GLIPR1L2: variants seen among roughly 807,000 people sequenced by gnomAD.
GLIPR1L2 encodes GLIPR1 like 2.
GLIPR1L2 carries 21 observed loss-of-function variants against 28.4 expected under a neutral mutation model. The ratio of observed to expected loss-of-function variants is 0.74; its 90% CI spans 0.52 to 1.06. The LOEUF (loss-of-function observed/expected upper bound fraction) is 1.06. Ranked by LOEUF, GLIPR1L2 falls within the 50% of genes least tolerant of loss-of-function variation. The probability of loss-of-function intolerance (pLI) is 0.00; values close to 1 mark genes in which losing one functional copy is unlikely to be tolerated. For missense variants in GLIPR1L2, 476 were observed against 416.9 expected, an observed-to-expected ratio of 1.14 and a Z score of -1.23; for synonymous variants, 145 against 139.3, an observed-to-expected ratio of 1.04 and a Z score of -0.29.
At chr12:75,417,784 ATATTACAT>A in intron 3 of GLIPR1L2, among the ~76,000 whole-genome samples, 1 of 130,152 alleles carries the variant, frequency 7.7e-6, no homozygotes, top group Admixed American at 7.5e-5. Context: ...AACTGAAACT[ATATTACAT>A]ATAATTATTT....
intron 4 of GLIPR1L2, among the ~76,000 whole-genome samples, chr12:75,429,512 T>C (rs1222105871): frequency 6.6e-6 from 1 of 152,206 alleles, no homozygotes; most frequent in African/African-American, 2.4e-5. Flanking sequence ...CTTGGACTTT[T>C]GGGTGAATGC....
intron 1 of GLIPR1L2, among the ~76,000 whole-genome samples, chr12:75,409,611 CTTA>C (rs1047577645): frequency 6.9e-6 from 1 of 145,698 alleles, no homozygotes; most frequent in African/African-American, 2.5e-5. Context: ...TCTGTCTTCT[CTTA>C]TTCTCTAATC....
rs142881216 is a variant in GLIPR1L2 at position 75,391,147 on chromosome 12, T to C, written c.31T>C (p.Trp11Arg). The C allele has an allele frequency of 2.0e-4, 323 of 1,613,722 alleles. 1 individual carries two copies. The African/African-American group carries it at 3.6e-3, about 18-fold the overall frequency. The change falls in exon 1 of 6, where the codon TGG becomes CGG. Residue 11 changes from tryptophan (W) to arginine (R), a missense_variant. Trp to Arg is a moderately radical substitution (Grantham distance 101, BLOSUM62 -3). Coordinates refer to ENST00000550916, the MANE Select transcript of GLIPR1L2 (RefSeq NM_001270396.2). ...GGCCGCAAGGCCCTTCGCCCGGGAG[T>C]GGAGGGCCCAGTCCCTACCCCTGGC... The part of the protein sequence containing the change: MEAARPFARE[W>R]RAQSLPLAVG...
chr12:75,414,491 G>A (rs1457833742), intron 3 of GLIPR1L2, among the ~76,000 whole-genome samples: 1 of 152,046 alleles, frequency 6.6e-6, no homozygotes, highest in Non-Finnish European at 1.5e-5. Context: ...TTAAAAAGCA[G>A]TGATTACTGA....
chr12:75,410,567 G>A lies in GLIPR1L2; in HGVS notation c.368G>A (p.Gly123Asp). 6.2e-7 allele frequency: 1 copy of A among 1,612,238 alleles called. No homozygotes were observed. The highest frequency in any genetic ancestry group is 1.1e-5 in the South Asian group (1 of 91,016). Reference sequence around the variant, plus strand: ...GGTATTGGTGAAAATATGTGGGTCGGCCCTGAAAATGAATTTACTGCAAGT... The same window carrying A: ...GGTATTGGTGAAAATATGTGGGTCGACCCTGAAAATGAATTTACTGCAAGT... ...FYGIGENMWVGPENEFTASIA... is the reference protein window; with the variant it reads ...FYGIGENMWVDPENEFTASIA... The change falls in exon 2 of 6, where the codon GGC (glycine) becomes GAC (aspartate). Residue 123 changes from glycine to aspartate, a missense_variant. By Grantham distance (94) the Gly-to-Asp change is moderately conservative (BLOSUM62 -1). Coordinates refer to ENST00000550916, the MANE Select transcript of GLIPR1L2 (RefSeq NM_001270396.2).
At chr12:75,402,421 C>G (rs2045752015) in intron 1 of GLIPR1L2, among the ~76,000 whole-genome samples, 2 of 152,012 alleles carry the variant, frequency 1.3e-5, no homozygotes, top group Admixed American at 6.6e-5. Context: ...AATAACAAAT[C>G]TCCAAATGTG....
chr12:75,402,896 T>C (rs1456889128), intron 1 of GLIPR1L2: 3 of 426,054 alleles, frequency 7.0e-6, no homozygotes, highest in Non-Finnish European at 1.4e-5. Flanking sequence ...ATCCTTGCTG[T>C]ATTTGGAATT....
At chr12:75,398,029 TA>T (rs71078728) in intron 1 of GLIPR1L2, among the ~76,000 whole-genome samples, 2,086 of 138,178 alleles carry the variant, frequency 0.015, 22 homozygotes, top group African/African-American at 0.034. Context: ...GCTGTGGATT[TA>T]AAAAAAAAAA....
chr12:75,417,786 A>AT (rs11378687), intron 3 of GLIPR1L2, among the ~76,000 whole-genome samples: 52,810 of 151,796 alleles, frequency 0.35, 9,532 homozygotes, highest in East Asian at 0.46. Context: ...CTGAAACTAT[A>AT]TTACATATAA....
At chr12:75,403,197 G>A (rs2045761352) in intron 1 of GLIPR1L2, 3 of 448,234 alleles carry the variant, frequency 6.7e-6, no homozygotes, top group East Asian at 7.0e-5. Context: ...GTTGAAGGAT[G>A]GTGAGGATAG....
At chr12:75,421,364 G>A (rs2045974485) in intron 3 of GLIPR1L2, among the ~76,000 whole-genome samples, 1 of 152,182 alleles carries the variant, frequency 6.6e-6, no homozygotes, top group Admixed American at 6.5e-5. Context: ...CAATTCAAGG[G>A]TATCAGATGC....
chr12:75,400,026 G>A (rs182561075), intron 1 of GLIPR1L2, among the ~76,000 whole-genome samples: 2 of 152,314 alleles, frequency 1.3e-5, no homozygotes, highest in East Asian at 3.9e-4. Context: ...CTAATCTCCA[G>A]CACTGAGGGT....
chr12:75,407,652 T>G (rs1044653181), intron 1 of GLIPR1L2, among the ~76,000 whole-genome samples: 1 of 152,150 alleles, frequency 6.6e-6, no homozygotes, highest in African/African-American at 2.4e-5. Flanking sequence ...CAATTTACAA[T>G]TTTTAAATTG....
At chr12:75,399,216 G>C (rs986912971) in intron 1 of GLIPR1L2, among the ~76,000 whole-genome samples, 1 of 152,106 alleles carries the variant, frequency 6.6e-6, no homozygotes, top group Non-Finnish European at 1.5e-5. Context: ...TACAGTATTA[G>C]TATGTTAAAA....
At position 75,431,204 on chromosome 12, in the gene GLIPR1L2, A is replaced by G. The variant is rs1183135605; in HGVS notation, c.*43A>G. On this transcript the variant is annotated 3_prime_UTR_variant, in exon 6 of 6. Transcript: ENST00000550916. The stretch of plus-strand genomic sequence containing the variant: ...AAAAGATGTATCACCAATATAAACC[A>G]AAAGTGTAATACAAAAAAAGACAGA... 9 of 613,032 alleles carry G rather than the reference A, an allele frequency of 1.5e-5. No individual in the cohort carries two copies. Among genetic ancestry groups the G allele is most frequent in the African/African-American group, 7.5e-5 (4 of 53,590 alleles). 38.0% of individuals were successfully genotyped at this position (613,032 alleles called of 1,614,324 possible).
At position 75,391,167 on chromosome 12, in the gene GLIPR1L2, C is replaced by A. The variant is rs1213822233; in HGVS notation, c.51C>A (p.Pro17=). The part of the protein sequence containing the change: ...FAREWRAQSL[P]LAVGGVLKLR... ...GGGAGTGGAGGGCCCAGTCCCTACC[C>A]CTGGCAGTAGGGGGCGTTTTGAAGC... The change falls in exon 1 of 6, where the codon CCC becomes CCA. Residue 17 remains proline (P), a synonymous_variant. Transcript: ENST00000550916. 2.5e-6 allele frequency: 4 copies of A among 1,614,166 alleles called. No individual in the cohort carries two copies. Among genetic ancestry groups the A allele is most frequent in the Non-Finnish European group, 3.4e-6 (4 of 1,180,006 alleles).
chr12:75,397,314 A>T (rs1214499987), intron 1 of GLIPR1L2, among the ~76,000 whole-genome samples: 4 of 151,166 alleles, frequency 2.6e-5, no homozygotes, highest in African/African-American at 9.7e-5. Flanking sequence ...TATGATTTCT[A>T]TTTTTACACT....
rs1214612277 is a variant in GLIPR1L2, at chr12:75,430,827, A to C, written c.701A>C (p.Tyr234Ser). 1 of 1,533,222 alleles carries C rather than the reference A, an allele frequency of 6.5e-7. No individual in the cohort carries two copies. The highest frequency in any genetic ancestry group is 1.2e-5 in the South Asian group (1 of 83,728). The allele number at this position is 1,533,222 out of a possible 1,614,324, so 95.0% of individuals were successfully genotyped here. A position where few individuals can be genotyped will look rare whatever the true frequency, so the allele number is the denominator to read the frequency against. Reference sequence around the variant, plus strand: ...TCAATTGCTTCTTTGTTTACAGATTACCGATTTTGGTATCCAAAATGGGAA... The same window carrying C: ...TCAATTGCTTCTTTGTTTACAGATTCCCGATTTTGGTATCCAAAATGGGAA... ...SNADRDQATYYRFWYPKWEMP... is the reference protein window; with the variant it reads ...SNADRDQATYSRFWYPKWEMP... The change falls in exon 6 of 6, where the codon TAC becomes TCC. Residue 234 changes from tyrosine (Y) to serine (S), a missense_variant. Coordinates refer to ENST00000550916, the MANE Select transcript of GLIPR1L2 (RefSeq NM_001270396.2).
At position 75,399,104 on chromosome 12, in the gene GLIPR1L2, G is replaced by C. The variant is rs554293024; in HGVS notation, c.234+7754G>C. 1.8e-4 allele frequency among the ~76,000 whole-genome samples: 28 copies of C among 152,162 alleles called. 1 individual carries two copies. The highest frequency in any genetic ancestry group is 3.7e-4 in the Non-Finnish European group (25 of 67,964). The stretch of plus-strand genomic sequence containing the variant: ...TCCTTTATTGATGGACATTCAGGTT[G>C]TTTTAAAAATAAATAAGCATAGCCA... On this transcript the variant is annotated intron_variant, in intron 1 of 5. Coordinates refer to ENST00000550916, the MANE Select transcript of GLIPR1L2 (RefSeq NM_001270396.2).
Sources: allele counts gnomAD v4.1 joint callset (sites outside exome capture counted in the v4.1 genomes callset), GRCh38; gene constraint gnomAD v4.1.1; transcripts MANE v1.5; gene names NCBI Gene and HGNC (gene_info 2026-07-23, HGNC 2026-07-21).